The following RAP1GDS1 variants were observed in gnomAD, a reference collection of about 807,000 sequenced individuals.
The protein encoded by RAP1GDS1 is RAP1, GTP-GDP dissociation stimulator 1.
RAP1GDS1 carries 35 observed loss-of-function variants against 71.1 expected under a neutral mutation model. That is an observed-to-expected ratio of 0.49 (90% CI 0.38 to 0.65). The LOEUF is 0.65. Among genes scored for constraint, RAP1GDS1 ranks in the 30% least tolerant of loss-of-function variants. The pLI is 0.00. For synonymous variants in RAP1GDS1, 229 were observed against 243.1 expected (o/e 0.94, Z 0.54); for missense variants, 663 against 706.1 (o/e 0.94, Z 0.69).
In RAP1GDS1 at chr4:98,306,770, G is replaced by A. The variant is rs1165174333; in HGVS notation, c.112+13255G>A. On this transcript the variant is annotated intron_variant, in intron 2 of 14. Transcript: ENST00000408927. Reference sequence around the variant, plus strand: ...GTTTGAATTTGAAATTAAAGGCAAGGGTAGTATCATGCTACTTTTTACTTC... The same window carrying A: ...GTTTGAATTTGAAATTAAAGGCAAGAGTAGTATCATGCTACTTTTTACTTC... Among the ~76,000 whole-genome samples the A allele has an allele frequency of 2.0e-5, 3 of 152,084 alleles. No homozygotes were observed. The South Asian group carries it at 6.2e-4, about 31-fold the overall frequency.
At chr4:98,340,765 A>G (rs543927467) in intron 2 of RAP1GDS1, among the ~76,000 whole-genome samples, 2 of 152,136 alleles carry the variant, frequency 1.3e-5, no homozygotes, top group East Asian at 1.9e-4. Flanking sequence ...GAAAAAATAT[A>G]TATTCACATA....
intron 2 of RAP1GDS1, among the ~76,000 whole-genome samples, chr4:98,301,296 C>A (rs1428788272): frequency 1.3e-5 from 2 of 151,842 alleles, no homozygotes; most frequent in African/African-American, 4.8e-5. Flanking sequence ...AGTGAAGATT[C>A]AGTTTTTACC....
chr4:98,293,368 C>T (rs1727246395), intron 1 of RAP1GDS1, 40 bp from the exon 2 acceptor site: 2 of 1,350,484 alleles, frequency 1.5e-6, no homozygotes, highest in Non-Finnish European at 2.1e-6. Flanking sequence ...ATATGGTGGT[C>T]ATAAGGTTGA....
At chr4:98,313,037 C>T (rs538403948) in intron 2 of RAP1GDS1, among the ~76,000 whole-genome samples, 8 of 139,448 alleles carry the variant, frequency 5.7e-5, no homozygotes, top group Admixed American at 2.2e-4. Flanking sequence ...CCACTGCACT[C>T]CAGCCTGGGT....
chr4:98,385,977 A>G (rs185995269), intron 5 of RAP1GDS1, among the ~76,000 whole-genome samples: 48 of 151,990 alleles, frequency 3.2e-4, no homozygotes, highest in Admixed American at 3.1e-3. Flanking sequence ...TTATCTCAGC[A>G]GTGCTGTATG....
At chr4:98,429,117 G>T (rs1750024343) in intron 12 of RAP1GDS1, among the ~76,000 whole-genome samples, 1 of 152,114 alleles carries the variant, frequency 6.6e-6, no homozygotes, top group Non-Finnish European at 1.5e-5. Flanking sequence ...AATTAGCCAG[G>T]CATGGTGGCG....
chr4:98,274,525 C>T (rs1212146280), intron 1 of RAP1GDS1, among the ~76,000 whole-genome samples: 3 of 152,166 alleles, frequency 2.0e-5, no homozygotes, highest in Admixed American at 2.0e-4. Context: ...AATAGCTATG[C>T]TTTCACAAAC....
chr4:98,415,928 A>T lies in RAP1GDS1; in HGVS notation c.764-817A>T, dbSNP rs866169175. 2.6e-5 allele frequency among the ~76,000 whole-genome samples: 4 copies of T among 152,172 alleles called. No individual in the cohort carries two copies. In the East Asian group the frequency reaches 5.8e-4, roughly 22 times the overall value. ...ACGACTTTATTTATTTATTTATTTA[A>T]TTTTTATAGACAGGGTCTCACTCTG... On this transcript the variant is annotated intron_variant, in intron 7 of 14. Coordinates refer to ENST00000408927, the MANE Select transcript of RAP1GDS1 (RefSeq NM_001100427.2).
chr4:98,335,808 T>C (rs1734639393), intron 2 of RAP1GDS1, among the ~76,000 whole-genome samples: 1 of 151,848 alleles, frequency 6.6e-6, no homozygotes, highest in Non-Finnish European at 1.5e-5. Context: ...TTTTTAACTT[T>C]TCTGTGTACC....
At chr4:98,276,484 C>CTT (rs755154216) in intron 1 of RAP1GDS1, among the ~76,000 whole-genome samples, 2 of 141,888 alleles carry the variant, frequency 1.4e-5, no homozygotes, top group Non-Finnish European at 1.5e-5. Context: ...TTTACATACC[C>CTT]TTTTTTTTTT....
intron 2 of RAP1GDS1, among the ~76,000 whole-genome samples, chr4:98,296,715 T>C (rs1393608581): frequency 1.3e-5 from 2 of 152,166 alleles, no homozygotes; most frequent in Admixed American, 1.3e-4. Context: ...GTATGGTTAC[T>C]CTATTTTATG....
chr4:98,420,458 T>C (rs1431401657), intron 11 of RAP1GDS1, among the ~76,000 whole-genome samples: 1 of 152,014 alleles, frequency 6.6e-6, no homozygotes, highest in Non-Finnish European at 1.5e-5. Context: ...TTCCGCCTCC[T>C]GGGTTCAAGC....
chr4:98,388,043 C>T (rs1003441126), intron 5 of RAP1GDS1, among the ~76,000 whole-genome samples: 2 of 152,116 alleles, frequency 1.3e-5, no homozygotes, highest in African/African-American at 4.8e-5. Flanking sequence ...TGCAAGTTTT[C>T]TTTGGGCAAT....
chr4:98,279,087 G>A (rs1048945369), intron 1 of RAP1GDS1, among the ~76,000 whole-genome samples: 3 of 152,084 alleles, frequency 2.0e-5, no homozygotes, highest in Non-Finnish European at 2.9e-5. Flanking sequence ...AGCTGGGCAT[G>A]GTGGTGGGCA....
intron 2 of RAP1GDS1, among the ~76,000 whole-genome samples, chr4:98,324,515 A>G (rs1353342668): frequency 6.8e-6 from 1 of 146,458 alleles, no homozygotes; most frequent in Non-Finnish European, 1.5e-5. Context: ...ACCTGACTTC[A>G]AACTATACTA....
intron 2 of RAP1GDS1, among the ~76,000 whole-genome samples, chr4:98,305,350 G>A (rs936620738): frequency 4.6e-5 from 7 of 151,996 alleles, no homozygotes; most frequent in Admixed American, 2.0e-4. Flanking sequence ...ATTTCCTTGA[G>A]CAGTCATTTG....
chr4:98,325,920 T>TAAA (rs34314578), intron 2 of RAP1GDS1, among the ~76,000 whole-genome samples: 3 of 148,610 alleles, frequency 2.0e-5, no homozygotes, highest in African/African-American at 7.4e-5. Flanking sequence ...CTTAAAGTAT[T>TAAA]AAAAAAAAAA....
intron 7 of RAP1GDS1, among the ~76,000 whole-genome samples, chr4:98,406,598 A>G (rs1270314651): frequency 1.3e-5 from 2 of 152,096 alleles, no homozygotes; most frequent in Admixed American, 6.5e-5. Flanking sequence ...ACCTCTTTCA[A>G]TAATTTATAG....
chr4:98,399,220 A>T (rs1744997009), intron 6 of RAP1GDS1, among the ~76,000 whole-genome samples: 1 of 152,220 alleles, frequency 6.6e-6, no homozygotes, highest in African/African-American at 2.4e-5. Context: ...AATAAATAGG[A>T]TCATATCAAA....
Sources: allele counts gnomAD v4.1 joint callset (sites outside exome capture counted in the v4.1 genomes callset), GRCh38; gene constraint gnomAD v4.1.1; transcripts MANE v1.5; gene names NCBI Gene and HGNC (gene_info 2026-07-23, HGNC 2026-07-21).